Variants in CYSLTR2 observed in about 807,000 individuals in gnomAD.
The protein encoded by CYSLTR2 is cysteinyl leukotriene receptor 2.
For missense variants in CYSLTR2, 398 were observed against 411.9 expected (o/e 0.97, Z 0.29); for synonymous variants, 179 against 160.8 (o/e 1.11, Z -0.86).
At chr13:48,680,435 C>CA (rs1312858109) in intron 1 of CYSLTR2, among the ~76,000 whole-genome samples, 1 of 152,342 alleles carries the variant, frequency 6.6e-6, no homozygotes, top group East Asian at 1.9e-4. Flanking sequence ...TATTCACCCT[C>CA]ATCAGACTTT....
intron 4 of CYSLTR2, among the ~76,000 whole-genome samples, chr13:48,697,806 T>G (rs1010294947): frequency 1.3e-5 from 2 of 152,038 alleles, no homozygotes; most frequent in African/African-American, 2.4e-5. Flanking sequence ...GAATAAACTG[T>G]GTAGAGAAGT....
rs150599159 is a variant in CYSLTR2 at position 48,698,053 on chromosome 13, C to G, written c.-2+1427C>G. 9.8e-3 allele frequency among the ~76,000 whole-genome samples: 1,496 copies of G among 152,248 alleles called. 24 individuals are homozygous for G. The highest frequency in any genetic ancestry group is 0.034 in the African/African-American group (1,413 of 41,550). On this transcript the variant is annotated intron_variant, in intron 4 of 4. Coordinates refer to ENST00000682523, the MANE Select transcript of CYSLTR2 (RefSeq NM_001308476.3). ...ACCAAAACTACGTCTGATTGGTGTA[C>G]CTGCAAGTGACGGGGAGAATGGAAC...
At chr13:48,672,263 T>A (rs1953452926) in intron 1 of CYSLTR2, among the ~76,000 whole-genome samples, 1 of 152,178 alleles carries the variant, frequency 6.6e-6, no homozygotes, top group Non-Finnish European at 1.5e-5. Context: ...AAGGGTTTTT[T>A]GTGTCTCTAT....
At chr13:48,689,039 G>C (rs1472846965) in intron 1 of CYSLTR2, among the ~76,000 whole-genome samples, 1 of 152,138 alleles carries the variant, frequency 6.6e-6, no homozygotes, top group Non-Finnish European at 1.5e-5. Flanking sequence ...TATGTTTGTT[G>C]GCCGCATAAA....
In CYSLTR2 at chr13:48,710,050, A is replaced by G. The variant is rs1292075001; in HGVS notation, c.*2192A>G. ...TACAGTTTTTAAGTGCTAGAGGAAA[A>G]GAAACTTTTGTATTAGAGAGGAAAT... is the stretch of plus-strand genomic sequence containing the variant. On this transcript the variant is annotated 3_prime_UTR_variant, in exon 5 of 5. Coordinates refer to ENST00000682523, the MANE Select transcript of CYSLTR2 (RefSeq NM_001308476.3). 6.6e-6 allele frequency: 1 copy of G among 152,246 alleles called. No homozygotes were observed. Among genetic ancestry groups the G allele is most frequent in the Non-Finnish European group, 1.5e-5 (1 of 68,048 alleles). The allele number at this position is 152,246 out of a possible 1,614,324, so 9.4% of individuals were successfully genotyped here.
At chr13:48,705,789 G>A (rs1271133303) in intron 4 of CYSLTR2, among the ~76,000 whole-genome samples, 1 of 150,994 alleles carries the variant, frequency 6.6e-6, no homozygotes, top group Non-Finnish European at 1.5e-5. Flanking sequence ...ACCACATCAG[G>A]CAGCATTAAT....
intron 1 of CYSLTR2, among the ~76,000 whole-genome samples, chr13:48,669,353 A>G (rs1009414902): frequency 4.6e-5 from 7 of 151,832 alleles, no homozygotes; most frequent in Non-Finnish European, 1.0e-4. Context: ...AGGCATACAC[A>G]TGCCATGATT....
intron 1 of CYSLTR2, among the ~76,000 whole-genome samples, chr13:48,663,829 T>C (rs1593936163): frequency 6.6e-6 from 1 of 152,230 alleles, no homozygotes; most frequent in East Asian, 1.9e-4. Context: ...TTATTTCTCT[T>C]GCCTAATGAC....
rs1954579374 is a variant in CYSLTR2 at position 48,709,230 on chromosome 13, T to C, written c.*1372T>C. 6.0e-6 allele frequency: 1 copy of C among 167,058 alleles called. No homozygotes were observed. The highest frequency in any genetic ancestry group is 1.5e-5 in the Non-Finnish European group (1 of 68,112). The allele number at this position is 167,058 out of a possible 1,614,324, so 10.3% of individuals were successfully genotyped here. ...TAAAAGCTGTCCTTTCCTACCAATTTCCTCCCCCTCCTCACTCTCACAAGA... is the reference window on the plus strand; with the variant it reads ...TAAAAGCTGTCCTTTCCTACCAATTCCCTCCCCCTCCTCACTCTCACAAGA... On this transcript the variant is annotated 3_prime_UTR_variant, in exon 5 of 5. Coordinates refer to ENST00000682523, the MANE Select transcript of CYSLTR2 (RefSeq NM_001308476.3).
intron 1 of CYSLTR2, among the ~76,000 whole-genome samples, chr13:48,680,811 T>C (rs887570308): frequency 8.4e-5 from 12 of 142,014 alleles, no homozygotes; most frequent in African/African-American, 3.0e-4. Context: ...TTTTTTTTTT[T>C]TTTTTTTTTG....
At chr13:48,667,961 G>A (rs1331313277) in intron 1 of CYSLTR2, among the ~76,000 whole-genome samples, 2 of 152,144 alleles carry the variant, frequency 1.3e-5, no homozygotes. Context: ...AATTTGCCTA[G>A]ACCATCAAAT....
intron 4 of CYSLTR2, among the ~76,000 whole-genome samples, chr13:48,703,920 T>C (rs2138996672): frequency 6.6e-6 from 1 of 152,292 alleles, no homozygotes; most frequent in South Asian, 2.1e-4. Context: ...GTTATGGGGA[T>C]ATTCAAATTA....
intron 3 of CYSLTR2, among the ~76,000 whole-genome samples, chr13:48,695,718 A>G (rs2138960678): frequency 6.6e-6 from 1 of 152,314 alleles, no homozygotes; most frequent in Non-Finnish European, 1.5e-5. Flanking sequence ...AGCTCCCTAG[A>G]GATTTATTCA....
chr13:48,700,063 G>A (rs550087123), intron 4 of CYSLTR2, among the ~76,000 whole-genome samples: 136 of 152,314 alleles, frequency 8.9e-4, no homozygotes, highest in African/African-American at 3.2e-3. Flanking sequence ...GGACCAGATG[G>A]ATTCACAGCC....
At chr13:48,682,456 C>T (rs957892200) in intron 1 of CYSLTR2, among the ~76,000 whole-genome samples, 2 of 152,088 alleles carry the variant, frequency 1.3e-5, no homozygotes, top group African/African-American at 4.8e-5. Context: ...CTCCTTAGTT[C>T]TAAAGTATGT....
intron 1 of CYSLTR2, among the ~76,000 whole-genome samples, chr13:48,677,832 A>G (rs1215810893): frequency 6.8e-6 from 1 of 147,512 alleles, no homozygotes; most frequent in Non-Finnish European, 1.5e-5. Context: ...CCACCCCTCT[A>G]CTGATAACTT....
intron 1 of CYSLTR2, among the ~76,000 whole-genome samples, chr13:48,686,003 C>G (rs767526946): frequency 3.9e-5 from 6 of 152,154 alleles, no homozygotes; most frequent in Non-Finnish European, 8.8e-5. Context: ...GTTAATTTGA[C>G]CAAGAAAACT....
chr13:48,685,729 T>C lies in CYSLTR2; in HGVS notation c.-265-5483T>C, dbSNP rs1953879487. On this transcript the variant is annotated intron_variant, in intron 1 of 4. Coordinates refer to ENST00000682523, the MANE Select transcript of CYSLTR2 (RefSeq NM_001308476.3). ...TAGTTCCCTTTCTCTTCTGTTAACA[T>C]TATATTCTAGATAAATGACATCTTC... Among the ~76,000 whole-genome samples the C allele has an allele frequency of 2.6e-5, 4 of 152,288 alleles. No individual in the cohort carries two copies. The South Asian group carries it at 8.3e-4, about 32-fold the overall frequency.
intron 1 of CYSLTR2, among the ~76,000 whole-genome samples, chr13:48,671,351 T>G (rs1953425068): frequency 1.3e-5 from 2 of 152,224 alleles, no homozygotes; most frequent in Non-Finnish European, 2.9e-5. Context: ...CCTTGTCTTG[T>G]GTGTATTTTC....
Sources: gnomAD v4.1 joint callset for allele counts (sites outside exome capture counted in the v4.1 genomes callset) on GRCh38, gnomAD v4.1.1 for gene constraint, MANE v1.5 for transcripts, NCBI Gene and HGNC (gene_info 2026-07-23, HGNC 2026-07-21) for gene names.